The following C8orf89 variants were observed in gnomAD, a reference collection of about 807,000 sequenced individuals.
C8orf89 encodes chromosome 8 open reading frame 89.
C8orf89 carries 14 observed loss-of-function variants against 15.8 expected under a neutral mutation model. That is an observed-to-expected ratio of 0.89 (90% CI 0.59 to 1.39). The LOEUF (loss-of-function observed/expected upper bound fraction) is 1.39, where lower values mean the gene tolerates loss of function less well. Among genes scored for constraint, C8orf89 ranks in the 40% most tolerant of loss-of-function variants. C8orf89 has a pLI of 0.00. For synonymous variants in C8orf89, 55 were observed against 62.2 expected (o/e 0.88, Z 0.54); for missense variants, 181 against 184.5 (o/e 0.98, Z 0.11).
chr8:73,256,885 C>T, intron 2 of C8orf89, 88 bp downstream of exon 2: 1 of 801,678 alleles, frequency 1.2e-6, no homozygotes, highest in Non-Finnish European at 1.7e-6. Flanking sequence ...AAAATGAATG[C>T]AATTCACTGA....
At chr8:73,248,154 A>C (rs905407981) in intron 3 of C8orf89, among the ~76,000 whole-genome samples, 1 of 152,196 alleles carries the variant, frequency 6.6e-6, no homozygotes, top group African/African-American at 2.4e-5. Context: ...AATCTTCTGC[A>C]TATGGCTAGC....
the C8orf89 span, among the ~76,000 whole-genome samples, chr8:73,284,218 TTTTTTTTTTTTTG>T: frequency 9.7e-5 from 4 of 41,236 alleles, no homozygotes; most frequent in Admixed American, 7.5e-4. Context: ...TTTTTTTTTT[TTTTTTTTTTTTTG>T]GTGATGGAGT....
intron 1 of C8orf89, 52 bp downstream of exon 1, chr8:73,259,280 T>C (rs1323008316): frequency 1.7e-6 from 2 of 1,195,390 alleles, no homozygotes; most frequent in African/African-American, 3.1e-5. Context: ...ACATGGAAAT[T>C]CAAGGCACTA....
At chr8:73,281,405 G>GT in the C8orf89 span, among the ~76,000 whole-genome samples, 2 of 152,268 alleles carry the variant, frequency 1.3e-5, no homozygotes, top group African/African-American at 4.8e-5. Context: ...TAATTACCAA[G>GT]TGAACATAAA....
intron 2 of C8orf89, among the ~76,000 whole-genome samples, chr8:73,254,659 C>A (rs1394788922): frequency 2.0e-5 from 3 of 152,138 alleles, no homozygotes; most frequent in African/African-American, 4.8e-5. Flanking sequence ...TCCTCCCGGT[C>A]TCATCCTAGG....
At chr8:73,273,202 T>G in the C8orf89 span, among the ~76,000 whole-genome samples, 1 of 152,156 alleles carries the variant, frequency 6.6e-6, no homozygotes, top group African/African-American at 2.4e-5. Flanking sequence ...TGCCCGTTTC[T>G]GAGTGGCGGG....
chr8:73,284,333 C>A, the C8orf89 span, among the ~76,000 whole-genome samples: 1 of 150,862 alleles, frequency 6.6e-6, no homozygotes, highest in Non-Finnish European at 1.5e-5. Context: ...CCTGCCTCAG[C>A]CTCCTGAGTA....
At chr8:73,281,533 G>A in the C8orf89 span, among the ~76,000 whole-genome samples, 4 of 152,194 alleles carry the variant, frequency 2.6e-5, no homozygotes, top group African/African-American at 9.7e-5. Context: ...GGGAGGTAGT[G>A]GGGAGGAGTA....
chr8:73,275,339 C>T, the C8orf89 span, among the ~76,000 whole-genome samples: 9 of 148,928 alleles, frequency 6.0e-5, no homozygotes, highest in Non-Finnish European at 1.2e-4. Flanking sequence ...CAGGTTCAAG[C>T]AACTCTCCTG....
At chr8:73,246,642 G>A (rs1018366091) in intron 3 of C8orf89, among the ~76,000 whole-genome samples, 6 of 152,170 alleles carry the variant, frequency 3.9e-5, no homozygotes, top group South Asian at 4.1e-4. Context: ...CTCCCAAAGC[G>A]TTAGGATTAC....
At chr8:73,272,509 GTT>G in the C8orf89 span, among the ~76,000 whole-genome samples, 2 of 151,844 alleles carry the variant, frequency 1.3e-5, no homozygotes, top group African/African-American at 4.8e-5. Context: ...CAACGTGCAG[GTT>G]TATTATATAT....
upstream of C8orf89, among the ~76,000 whole-genome samples, chr8:73,262,235 C>T (rs61748982): frequency 0.012 from 1,844 of 152,196 alleles, 35 homozygotes; most frequent in African/African-American, 0.042. Flanking sequence ...AAGTCAGCCT[C>T]CTCTCCCTCT....
At chr8:73,272,127 G>C in the C8orf89 span, among the ~76,000 whole-genome samples, 61 of 151,970 alleles carry the variant, frequency 4.0e-4, 1 homozygote, top group African/African-American at 1.4e-3. Context: ...TTCCTTTCAG[G>C]GTGAAACTAC....
the C8orf89 span, among the ~76,000 whole-genome samples, chr8:73,276,321 C>A: frequency 6.6e-6 from 1 of 151,568 alleles, no homozygotes; most frequent in Non-Finnish European, 1.5e-5. Flanking sequence ...GGATCACAGG[C>A]GCATGCCACC....
At chr8:73,255,508 G>A (rs189304919) in intron 2 of C8orf89, among the ~76,000 whole-genome samples, 1 of 152,196 alleles carries the variant, frequency 6.6e-6, no homozygotes, top group Non-Finnish European at 1.5e-5. Flanking sequence ...CCACTCCTTG[G>A]TGGGACTGTA....
At chr8:73,262,743 G>A (rs544439675), upstream of C8orf89, among the ~76,000 whole-genome samples, 131 of 151,504 alleles carry the variant, frequency 8.6e-4, 1 homozygote, top group Non-Finnish European at 1.7e-3. Context: ...CTTGAGCCCA[G>A]GAGTTCTAGG....
rs944149007 is a variant in C8orf89 at position 73,259,522 on chromosome 8, C to CA, written c.-65dup. On this transcript the variant is annotated 5_prime_UTR_variant, in exon 1 of 4. Transcript: ENST00000624510. ...TGCTGCAGAGACAGGACACAAAATA[C>CA]AAAAAAAACAAGGCACGTCCGAGAC... The CA allele has an allele frequency of 2.5e-4, 316 of 1,242,882 alleles. No homozygotes were observed. Among genetic ancestry groups the CA allele is most frequent in the African/African-American group, 9.6e-4 (62 of 64,658 alleles). The allele number at this position is 1,242,882 out of a possible 1,614,324, so 77.0% of individuals were successfully genotyped here. A position where few individuals can be genotyped will look rare whatever the true frequency, so the allele number is the denominator to read the frequency against.
chr8:73,285,887 C>A, the C8orf89 span, among the ~76,000 whole-genome samples: 78 of 152,224 alleles, frequency 5.1e-4, no homozygotes, highest in African/African-American at 1.9e-3. Flanking sequence ...AGCAGCCCTG[C>A]GACGCTGGGC....
At chr8:73,247,715 T>G (rs1586161821) in intron 3 of C8orf89, among the ~76,000 whole-genome samples, 3 of 152,356 alleles carry the variant, frequency 2.0e-5, no homozygotes, top group Non-Finnish European at 4.4e-5. Context: ...TTTTTTTTCA[T>G]ATGCTTGTTT....
Sources: allele counts gnomAD v4.1 joint callset (sites outside exome capture counted in the v4.1 genomes callset), GRCh38; gene constraint gnomAD v4.1.1; transcripts MANE v1.5; gene names NCBI Gene and HGNC (gene_info 2026-07-23, HGNC 2026-07-21).